Variants in DHX8 observed in about 807,000 individuals in gnomAD.
DHX8 encodes DEAH-box helicase 8.
A neutral mutation model predicts 140.7 loss-of-function variants in DHX8; 67 were observed. The observed-to-expected ratio is 0.48, with a 90% confidence interval of 0.39 to 0.58. The LOEUF (loss-of-function observed/expected upper bound fraction) is 0.58, where lower values mean the gene tolerates loss of function less well. DHX8 is among the 20% of genes least tolerant of loss of function. DHX8 has a pLI of 0.00. For synonymous variants in DHX8, 533 were observed against 553.2 expected, an observed-to-expected ratio of 0.96 and a Z score of 0.51; for missense variants, 887 against 1,550.7, an observed-to-expected ratio of 0.57 and a Z score of 7.19.
chr17:43,511,204 C>T lies in DHX8; in HGVS notation c.2503-2158C>T, dbSNP rs113206620. ...AATTAGCCAGGCGTGGTGGCGGGTG[C>T]CTGTAATCCCAGCTACCTGGGAGGC... On this transcript the variant is annotated intron_variant, in intron 16 of 22. Coordinates refer to ENST00000262415, the MANE Select transcript of DHX8 (RefSeq NM_004941.3). 1.2e-4 allele frequency among the ~76,000 whole-genome samples: 19 copies of T among 152,152 alleles called. 1 individual carries two copies. Among genetic ancestry groups the T allele is most frequent in the African/African-American group, 4.3e-4 (18 of 41,528 alleles).
downstream of DHX8, chr17:43,530,049 T>C: frequency 1.2e-6 from 2 of 1,610,608 alleles, no homozygotes; most frequent in Non-Finnish European, 1.7e-6. Context: ...CCCTCCCCCA[T>C]GGCAGCGCTC....
rs1970559753 is a variant in DHX8 at position 43,524,965 on chromosome 17, T to C, written c.*1118T>C. 11 of 985,098 alleles carry C rather than the reference T, an allele frequency of 1.1e-5. No individual in the cohort carries two copies. The South Asian group carries it at 5.2e-4, about 46-fold the overall frequency. The allele number at this position is 985,098 out of a possible 1,614,324, so 61.0% of individuals were successfully genotyped here. A position where few individuals can be genotyped will look rare whatever the true frequency, so the allele number is the denominator to read the frequency against. ...ACAGCTCCTGAGGAGGGTTTTTTTT[T>C]TTTCTTCCCATAGAGATGGGTTCCC... On this transcript the variant is annotated 3_prime_UTR_variant, in exon 23 of 23. Transcript: ENST00000262415.
intron 11 of DHX8, 79 bp downstream of exon 11, chr17:43,500,182 A>G: frequency 6.7e-7 from 1 of 1,492,222 alleles, no homozygotes; most frequent in South Asian, 1.2e-5. Context: ...CACTCCCGGC[A>G]CACACTAAAA....
intron 12 of DHX8, among the ~76,000 whole-genome samples, chr17:43,506,627 A>C (rs571898034): frequency 1.0e-3 from 154 of 152,132 alleles, no homozygotes; most frequent in African/African-American, 3.4e-3. Flanking sequence ...TCAAAAAAAA[A>C]AAAAAAGCCT....
At chr17:43,529,622 C>T (rs770900086), downstream of DHX8, 48 of 1,613,992 alleles carry the variant, frequency 3.0e-5, no homozygotes, top group Admixed American at 3.3e-5. Context: ...GGCACCCCGG[C>T]GCTGGTAGGG....
In DHX8 at chr17:43,492,649, CT is replaced by C. The variant is rs1567676550; in HGVS notation, c.504-26del. 4 of 1,341,382 alleles carry C rather than the reference CT, an allele frequency of 3.0e-6. No individual in the cohort carries two copies. The South Asian group carries it at 3.5e-5, about 12-fold the overall frequency. 83.1% of individuals were successfully genotyped at this position (1,341,382 alleles called of 1,614,324 possible). A position where few individuals can be genotyped will look rare whatever the true frequency, so the allele number is the denominator to read the frequency against. On this transcript the variant is annotated intron_variant, in intron 5 of 22. Coordinates refer to ENST00000262415, the MANE Select transcript of DHX8 (RefSeq NM_004941.3). ...TGCGAAGATGAAATCGGATTGGTTT[CT>C]TTTTTAAACAGGTGCTTATTGATTT...
At chr17:43,495,319 C>T (rs1968792660) in intron 8 of DHX8, among the ~76,000 whole-genome samples, 1 of 152,156 alleles carries the variant, frequency 6.6e-6, no homozygotes, top group Non-Finnish European at 1.5e-5. Flanking sequence ...TGCACTATTG[C>T]CCAGGCAAGA....
intron 3 of DHX8, 57 bp downstream of exon 3, chr17:43,490,520 C>G: frequency 7.3e-7 from 1 of 1,372,076 alleles, no homozygotes; most frequent in South Asian, 1.2e-5. Context: ...TTTGAACATC[C>G]TGTAAATTGC....
chr17:43,526,938 G>C (rs1970637676), downstream of DHX8: 1 of 219,448 alleles, frequency 4.6e-6, no homozygotes, highest in South Asian at 6.9e-5. Flanking sequence ...GTTGGTGCTG[G>C]GCCAACCTGA....
chr17:43,539,554 T>C (rs531260402), intron 3 of DHX8, among the ~76,000 whole-genome samples: 1 of 152,352 alleles, frequency 6.6e-6, no homozygotes, highest in East Asian at 1.9e-4. Flanking sequence ...TTTTTTGTCA[T>C]CTGATGCCCC....
chr17:43,496,488 G>C (rs780137880), intron 9 of DHX8, among the ~76,000 whole-genome samples: 2 of 151,986 alleles, frequency 1.3e-5, no homozygotes, highest in Non-Finnish European at 2.9e-5. Context: ...CTTATAATAA[G>C]CTCTCAGGGC....
rs1163096208 is a variant in DHX8 at position 43,533,896 on chromosome 17, G to A, written c.351-2516G>A. 1 of 1,598,002 alleles carries A rather than the reference G, an allele frequency of 6.3e-7. No homozygotes were observed. Among genetic ancestry groups the A allele is most frequent in the Admixed American group, 1.8e-5 (1 of 56,540 alleles). On this transcript the variant is annotated intron_variant, in intron 2 of 3. Transcript: ENST00000589898. The stretch of plus-strand genomic sequence containing the variant: ...CACTGCTCGCCATGGTGGTAGGGGA[G>A]TGGCGGCTTCCTGCTGCAGGACAGG...
At chr17:43,505,980 AATG>A (rs1969473222) in intron 12 of DHX8, among the ~76,000 whole-genome samples, 1 of 151,858 alleles carries the variant, frequency 6.6e-6, no homozygotes, top group Non-Finnish European at 1.5e-5. Flanking sequence ...TTTTCCACTT[AATG>A]ATATATCTCA....
At chr17:43,493,964 A>G in intron 8 of DHX8, 78 bp downstream of exon 8, 1 of 1,466,324 alleles carries the variant, frequency 6.8e-7, no homozygotes, top group South Asian at 1.2e-5. Context: ...CTGGAGCACG[A>G]TGGCCTGGGA....
intron 5 of DHX8, 109 bp downstream of exon 5, chr17:43,492,401 A>G (rs1968575372): frequency 5.3e-6 from 4 of 752,742 alleles, no homozygotes; most frequent in Admixed American, 2.3e-5. Context: ...TGGACTGGTC[A>G]TATATCATAT....
At chr17:43,530,619 T>C (rs199966014), downstream of DHX8, among the ~76,000 whole-genome samples, 31,860 of 151,440 alleles carry the variant, frequency 0.21, 3,741 homozygotes, top group East Asian at 0.32. Flanking sequence ...CGTGTGTGTG[T>C]GTGTGTGTGT....
chr17:43,507,383 C>T, intron 13 of DHX8, 120 bp from the exon 14 acceptor site: 1 of 1,121,222 alleles, frequency 8.9e-7, no homozygotes, highest in Admixed American at 2.4e-5. Flanking sequence ...GAGGAAATTA[C>T]TGTACATCTT....
intron 1 of DHX8, among the ~76,000 whole-genome samples, chr17:43,485,043 A>G (rs1230613786): frequency 2.6e-5 from 4 of 152,360 alleles, no homozygotes; most frequent in African/African-American, 9.6e-5. Flanking sequence ...AGCTAAAGCC[A>G]TAGACAGATG....
Position 43,523,948 on chromosome 17 carries a change from G to C in DHX8, c.*101G>C. The C allele has an allele frequency of 2.0e-6, 3 of 1,511,960 alleles. No individual in the cohort carries two copies. Among genetic ancestry groups the C allele is most frequent in the Non-Finnish European group, 1.8e-6 (2 of 1,131,726 alleles). The allele number at this position is 1,511,960 out of a possible 1,614,324, so 93.7% of individuals were successfully genotyped here. On this transcript the variant is annotated 3_prime_UTR_variant, in exon 23 of 23. Transcript: ENST00000262415. ...GGATACAGCTGTCCCGTGACTGACT[G>C]TCTTAACTGAGCATTTTCTCAACTC...
Sources: gnomAD v4.1 joint callset for allele counts (sites outside exome capture counted in the v4.1 genomes callset) on GRCh38, gnomAD v4.1.1 for gene constraint, MANE v1.5 for transcripts, NCBI Gene and HGNC (gene_info 2026-07-23, HGNC 2026-07-21) for gene names.